The following P2RX6 variants were observed in gnomAD, a reference collection of about 807,000 sequenced individuals.
P2RX6 encodes P2X purinoceptor 6.
Under a neutral mutation model 54.2 loss-of-function variants are expected in P2RX6, and 62 were observed. That is an observed-to-expected ratio of 1.14 (90% CI 0.93 to 1.41). The LOEUF (loss-of-function observed/expected upper bound fraction) is 1.41, where lower values mean the gene tolerates loss of function less well. Among genes scored for constraint, P2RX6 ranks in the 40% most tolerant of loss-of-function variants. The pLI is 0.00. For synonymous variants in P2RX6, 211 were observed against 231.9 expected, an observed-to-expected ratio of 0.91 and a Z score of 0.82; for missense variants, 541 against 566.3, an observed-to-expected ratio of 0.96 and a Z score of 0.45.
chr22:21,020,286 T>A (rs936063383), intron 3 of P2RX6, among the ~76,000 whole-genome samples: 1 of 152,202 alleles, frequency 6.6e-6, no homozygotes, highest in Non-Finnish European at 1.5e-5. Context: ...TGGGTCGTAA[T>A]TATCAGATCT....
At chr22:21,025,741 G>C in intron 8 of P2RX6, 64 bp from the exon 9 acceptor site, 1 of 1,256,024 alleles carries the variant, frequency 8.0e-7, no homozygotes, top group South Asian at 1.3e-5. Context: ...CAGAGGTCTG[G>C]CAGGGCCAGC....
rs1926730973 is a variant in P2RX6 at position 21,018,061 on chromosome 22, G to T, written c.387+1G>T. On this transcript the variant is annotated splice_donor_variant, in intron 3 of 11. Transcript: ENST00000413302. LOFTEE classifies it high-confidence loss of function. ...CCAAGTTCAGGGCAGATGCCCAGAGGTGAGTTTACCCAGGATCCTCCCAGC... is the reference window on the plus strand; with the variant it reads ...CCAAGTTCAGGGCAGATGCCCAGAGTTGAGTTTACCCAGGATCCTCCCAGC... 6.2e-7 allele frequency: 1 copy of T among 1,607,064 alleles called. No individual in the cohort carries two copies. The highest frequency in any genetic ancestry group is 8.5e-7 in the Non-Finnish European group (1 of 1,174,138).
chr22:21,027,220 C>G lies in P2RX6; in HGVS notation c.*603C>G, dbSNP rs1337737173. On this transcript the variant is annotated 3_prime_UTR_variant, in exon 12 of 12. Transcript: ENST00000413302. ...AGGCAGATAATCCACCTCCCTATCC[C>G]CCAGGCAAGGGCGGAGCATGTGTCT... is the stretch of plus-strand genomic sequence containing the variant. The G allele has an allele frequency of 6.5e-6, 1 of 153,372 alleles. No homozygotes were observed. Among genetic ancestry groups the G allele is most frequent in the Non-Finnish European group, 1.5e-5 (1 of 68,908 alleles). 9.5% of individuals were successfully genotyped at this position (153,372 alleles called of 1,614,324 possible). A position where few individuals can be genotyped will look rare whatever the true frequency, so the allele number is the denominator to read the frequency against.
At chr22:21,023,747 C>A in intron 8 of P2RX6, 129 bp downstream of exon 8, 1 of 681,138 alleles carries the variant, frequency 1.5e-6, no homozygotes, top group South Asian at 1.8e-5. Flanking sequence ...GTCCCAGGAG[C>A]AGGAGAGAGC....
At chr22:21,018,336 A>G in intron 3 of P2RX6, 1 of 435,840 alleles carries the variant, frequency 2.3e-6, no homozygotes, top group Non-Finnish European at 4.3e-6. Context: ...TGTGGGTGAC[A>G]GGACCCCGAG....
upstream of P2RX6, chr22:21,013,163 A>C (rs114603626): frequency 6.8e-3 from 1,119 of 164,350 alleles, 23 homozygotes; most frequent in African/African-American, 0.026. Context: ...GTCCCCGACC[A>C]GTTCTCCAAG....
chr22:21,023,108 C>T lies in P2RX6; in HGVS notation c.558-10C>T. 1 of 1,613,648 alleles carries T rather than the reference C, an allele frequency of 6.2e-7. No individual in the cohort carries two copies. Among genetic ancestry groups the T allele is most frequent in the Non-Finnish European group, 8.5e-7 (1 of 1,179,560 alleles). ...CCTGGCAGAGGCTGTCACCTCCCTT[C>T]CACCTGCAGGAGGCCCCTGCTGGCC... On this transcript the variant is annotated splice_polypyrimidine_tract_variant and intron_variant, in intron 5 of 11. Coordinates refer to ENST00000413302, the MANE Select transcript of P2RX6 (RefSeq NM_005446.5).
At position 21,027,238 on chromosome 22, in the gene P2RX6, ATGTG is replaced by A; in HGVS notation, c.*623_*626del. The A allele has an allele frequency of 6.5e-6, 1 of 153,546 alleles. No individual in the cohort carries two copies. Among genetic ancestry groups the A allele is most frequent in the Non-Finnish European group, 1.4e-5 (1 of 69,004 alleles). 9.5% of individuals were successfully genotyped at this position (153,546 alleles called of 1,614,324 possible). ...CCTATCCCCCAGGCAAGGGCGGAGC[ATGTG>A]TCTTGGGCCCACACCTGCTTAGTTT... On this transcript the variant is annotated 3_prime_UTR_variant, in exon 12 of 12. Coordinates refer to ENST00000413302, the MANE Select transcript of P2RX6 (RefSeq NM_005446.5).
At chr22:21,025,758 TGGGGGTGGGCAAAGCA>T in intron 8 of P2RX6, 31 bp from the exon 9 acceptor site, 1 of 1,424,902 alleles carries the variant, frequency 7.0e-7, no homozygotes, top group Non-Finnish European at 9.7e-7. Flanking sequence ...CAGCCCCACC[TGGGGGTGGGCAAAGCA>T]GGTCACCAGA....
At chr22:21,014,835 T>C (rs1210300509), upstream of P2RX6, among the ~76,000 whole-genome samples, 2 of 152,028 alleles carry the variant, frequency 1.3e-5, no homozygotes, top group Non-Finnish European at 2.9e-5. Flanking sequence ...CTCAACACCC[T>C]CCCCGCCCTG....
At chr22:21,012,746 C>T (rs549211492), upstream of P2RX6, 479 of 307,052 alleles carry the variant, frequency 1.6e-3, 4 homozygotes, top group South Asian at 9.7e-3. Context: ...CTGGAAAGTA[C>T]CCCCCTTTCC....
Position 21,026,357 on chromosome 22 carries a change from C to T in P2RX6, c.1128+28C>T, listed in dbSNP as rs1355606379. 6.3e-7 allele frequency: 1 copy of T among 1,590,836 alleles called. No individual in the cohort carries two copies. The highest frequency in any genetic ancestry group is 2.3e-5 in the East Asian group (1 of 43,988). On this transcript the variant is annotated intron_variant, in intron 11 of 11. Transcript: ENST00000413302. The surrounding 1 kb of genome is among the most constrained non-coding windows in gnomAD (Gnocchi z 4.0). ...GAGCTGAGGTCGCTCTGCTTGGACC[C>T]TGGGTTCTGCCACACTTAGGAAGAT...
intron 3 of P2RX6, among the ~76,000 whole-genome samples, chr22:21,020,081 C>G (rs1045011989): frequency 6.6e-6 from 1 of 151,764 alleles, no homozygotes; most frequent in Non-Finnish European, 1.5e-5. Flanking sequence ...GCCACTGTGC[C>G]TGGCAGGATG....
rs188085387 is a variant in P2RX6, at chr22:21,025,938, C to T, written c.984+40C>T. 2.1e-4 allele frequency: 328 copies of T among 1,578,782 alleles called. 2 individuals carry two copies. In the African/African-American group the frequency reaches 3.9e-3, roughly 19 times the overall value. ...GGGTCAGGCCGGGGATGGGATGGGG[C>T]AGGCAGACAGGGCTGGAGGAGGCAT... On this transcript the variant is annotated intron_variant, in intron 9 of 11. Transcript: ENST00000413302.
At chr22:21,016,240 G>A in intron 2 of P2RX6, 148 bp downstream of exon 2, 1 of 836,254 alleles carries the variant, frequency 1.2e-6, no homozygotes, top group Non-Finnish European at 1.8e-6. Flanking sequence ...CAGAGGAGTG[G>A]CACCTGGACA....
At position 21,023,959 on chromosome 22, in the gene P2RX6, GTT is replaced by G. The variant is rs35808816; in HGVS notation, c.890+354_890+355del. 7.6e-4 allele frequency among the ~76,000 whole-genome samples: 108 copies of G among 142,352 alleles called. No homozygotes were observed. In the East Asian group the frequency reaches 8.1e-3, roughly 11 times the overall value. The allele number at this position is 142,352 out of a possible 152,430, so 93.4% of individuals were successfully genotyped here. On this transcript the variant is annotated intron_variant, in intron 8 of 11. Transcript: ENST00000413302. ...CTTTCCCCTTCTCCCCTTCAGCTTT[GTT>G]TTTTTTTTTTTTAAGACAGAATCTC...
upstream of P2RX6, chr22:21,010,249 G>T (rs1404338258): frequency 6.6e-6 from 1 of 152,290 alleles, no homozygotes; most frequent in Non-Finnish European, 1.5e-5. Context: ...AACCTTCATA[G>T]CACCTTAGCT....
upstream of P2RX6, chr22:21,014,983 G>A (rs1926084749): frequency 3.9e-6 from 2 of 506,502 alleles, no homozygotes; most frequent in Non-Finnish European, 3.4e-6. Flanking sequence ...TGTGTGCCAG[G>A]GCCCAGCAAA....
intron 2 of P2RX6, 111 bp downstream of exon 2, chr22:21,016,203 G>A (rs1463186197): frequency 1.6e-5 from 18 of 1,135,830 alleles, no homozygotes; most frequent in Admixed American, 1.5e-4. Flanking sequence ...TGCCAGAGAC[G>A]GCTGCGGGTT....
Sources: allele counts gnomAD v4.1 joint callset (sites outside exome capture counted in the v4.1 genomes callset), GRCh38; gene constraint gnomAD v4.1.1; non-coding constraint Gnocchi (gnomAD v3.1); transcripts MANE v1.5; gene names NCBI Gene and HGNC (gene_info 2026-07-23, HGNC 2026-07-21).